The following PDE8B variants were observed in gnomAD, a reference collection of about 807,000 sequenced individuals.
PDE8B encodes the protein high affinity cAMP-specific and IBMX-insensitive 3',5'-cyclic phosphodiesterase 8B.
In PDE8B, 26 loss-of-function variants were observed where a neutral mutation model predicts 101.3. That is an observed-to-expected ratio of 0.26 (90% CI 0.19 to 0.36). The LOEUF (loss-of-function observed/expected upper bound fraction) is 0.36, where lower values mean the gene tolerates loss of function less well. Among genes scored for constraint, PDE8B ranks in the 10% least tolerant of loss-of-function variants. The pLI, the probability that PDE8B is intolerant of heterozygous loss-of-function variation, is 1.00. For missense variants in PDE8B, 810 were observed against 1,163.1 expected (o/e 0.70, Z 4.42); for synonymous variants, 424 against 429.3 (o/e 0.99, Z 0.15).
chr5:77,280,877 A>G (rs919277127), intron 1 of PDE8B, among the ~76,000 whole-genome samples: 18 of 152,128 alleles, frequency 1.2e-4, no homozygotes, highest in African/African-American at 4.1e-4. Context: ...AGCCTGGGTG[A>G]CAGAGAGAGA....
chr5:77,130,367 G>GT, the PDE8B span, among the ~76,000 whole-genome samples: 1 of 152,060 alleles, frequency 6.6e-6, no homozygotes, highest in Non-Finnish European at 1.5e-5. Context: ...TCATAAAGAC[G>GT]TTAGTTCTCC....
chr5:77,180,291 C>T, the PDE8B span, among the ~76,000 whole-genome samples: 1 of 152,242 alleles, frequency 6.6e-6, no homozygotes, highest in African/African-American at 2.4e-5. Flanking sequence ...CGCGGAGGCT[C>T]AGGCTCGCTG....
chr5:77,307,526 C>T (rs1771513576), intron 1 of PDE8B, among the ~76,000 whole-genome samples: 1 of 152,116 alleles, frequency 6.6e-6, no homozygotes, highest in Non-Finnish European at 1.5e-5. Flanking sequence ...CAGTCATGGA[C>T]CCATGTTGCC....
intron 10 of PDE8B, among the ~76,000 whole-genome samples, chr5:77,373,706 T>C (rs952835894): frequency 1.3e-5 from 2 of 152,240 alleles, no homozygotes; most frequent in Non-Finnish European, 2.9e-5. Flanking sequence ...GAAATATAAT[T>C]TACGTACCAT....
intron 1 of PDE8B, among the ~76,000 whole-genome samples, chr5:77,229,984 A>G (rs990353187): frequency 2.6e-5 from 4 of 152,142 alleles, no homozygotes; most frequent in African/African-American, 9.7e-5. Context: ...TTGTATGGTA[A>G]CTATGTGTTT....
intron 1 of PDE8B, among the ~76,000 whole-genome samples, chr5:77,222,231 G>T (rs889397994): frequency 1.3e-5 from 2 of 152,202 alleles, no homozygotes; most frequent in African/African-American, 4.8e-5. Flanking sequence ...GTACAACCTA[G>T]AGGTACAGTC....
At chr5:77,286,994 G>A (rs939531194) in intron 1 of PDE8B, among the ~76,000 whole-genome samples, 8 of 152,084 alleles carry the variant, frequency 5.3e-5, no homozygotes, top group Admixed American at 5.2e-4. Flanking sequence ...TCCTGTTGTC[G>A]TGCATTTTAA....
chr5:77,312,020 C>T lies in PDE8B; in HGVS notation c.366C>T (p.Ile122=), dbSNP rs373901109. Residue 122 remains isoleucine, a synonymous_variant, in exon 2 of 22, where the codon ATC becomes ATT. Coordinates refer to ENST00000264917, the MANE Select transcript of PDE8B (RefSeq NM_003719.5). ...AGGTGTCTTCTGCGGAGGTGCGCATCGGGCCCATGAGACTGACGCAGGACC... is the reference window on the plus strand; with the variant it reads ...AGGTGTCTTCTGCGGAGGTGCGCATTGGGCCCATGAGACTGACGCAGGACC... The part of the protein sequence containing the change: ...VKQVSSAEVR[I]GPMRLTQDPI... 23 of 1,613,080 alleles carry T rather than the reference C, an allele frequency of 1.4e-5. No individual in the cohort carries two copies. Among genetic ancestry groups the T allele is most frequent in the African/African-American group, 1.2e-4 (9 of 74,770 alleles).
chr5:77,213,334 T>C (rs542236416), intron 1 of PDE8B, among the ~76,000 whole-genome samples: 1 of 152,352 alleles, frequency 6.6e-6, no homozygotes, highest in South Asian at 2.1e-4. Flanking sequence ...CTACTTTGCA[T>C]TGTGTGGATC....
At chr5:77,283,513 A>G (rs1457244086) in intron 1 of PDE8B, among the ~76,000 whole-genome samples, 1 of 152,100 alleles carries the variant, frequency 6.6e-6, no homozygotes, top group Non-Finnish European at 1.5e-5. Flanking sequence ...ATTCCTGACA[A>G]CCACTGATCT....
chr5:77,121,217 G>A, the PDE8B span, among the ~76,000 whole-genome samples: 2,812 of 152,126 alleles, frequency 0.018, 89 homozygotes, highest in African/African-American at 0.055. Flanking sequence ...TGCATTCATC[G>A]GAAAACTTGA....
the PDE8B span, among the ~76,000 whole-genome samples, chr5:77,201,830 G>C: frequency 6.6e-6 from 1 of 152,038 alleles, no homozygotes; most frequent in Non-Finnish European, 1.5e-5. Flanking sequence ...AAATAGCACA[G>C]ACTAGGTGAC....
the PDE8B span, among the ~76,000 whole-genome samples, chr5:77,176,826 G>A: frequency 6.6e-6 from 1 of 152,174 alleles, no homozygotes; most frequent in Non-Finnish European, 1.5e-5. Flanking sequence ...AGAAGCTTTC[G>A]TTGCGTGATA....
the PDE8B span, among the ~76,000 whole-genome samples, chr5:77,095,059 A>G: frequency 7.2e-5 from 11 of 152,226 alleles, no homozygotes; most frequent in African/African-American, 2.4e-4. Flanking sequence ...GTAGATGCCT[A>G]AAGATTTTCT....
chr5:77,248,218 G>C (rs533719193), intron 1 of PDE8B, among the ~76,000 whole-genome samples: 2 of 152,316 alleles, frequency 1.3e-5, no homozygotes, highest in South Asian at 4.1e-4. Context: ...GAGGGCAGGG[G>C]CTATTGCATG....
the PDE8B span, among the ~76,000 whole-genome samples, chr5:77,122,790 C>T: frequency 6.6e-6 from 1 of 152,182 alleles, no homozygotes; most frequent in African/African-American, 2.4e-5. Flanking sequence ...CCTGCAATTA[C>T]ATTTTGAAAG....
chr5:77,358,866 C>T (rs572815319), intron 10 of PDE8B, among the ~76,000 whole-genome samples: 2 of 152,276 alleles, frequency 1.3e-5, no homozygotes, highest in African/African-American at 4.8e-5. Context: ...TACACGTGCA[C>T]CTTATTTGTG....
chr5:77,377,450 A>G (rs1786357218), intron 10 of PDE8B, among the ~76,000 whole-genome samples: 1 of 152,216 alleles, frequency 6.6e-6, no homozygotes, highest in South Asian at 2.1e-4. Flanking sequence ...ATGTGGCTTA[A>G]CAAGCCTTCC....
chr5:77,172,637 G>T, the PDE8B span, among the ~76,000 whole-genome samples: 1 of 152,214 alleles, frequency 6.6e-6, no homozygotes, highest in Non-Finnish European at 1.5e-5. Context: ...TTTATTGAGT[G>T]CTGATTTTGT....
Sources: gnomAD v4.1 joint callset for allele counts (sites outside exome capture counted in the v4.1 genomes callset) on GRCh38, gnomAD v4.1.1 for gene constraint, MANE v1.5 for transcripts, NCBI Gene and HGNC (gene_info 2026-07-23, HGNC 2026-07-21) for gene names.